NOP9: variants seen among roughly 807,000 people sequenced by gnomAD.
NOP9 encodes the protein nucleolar protein 9.
Under a neutral mutation model 63.0 loss-of-function variants are expected in NOP9, and 50 were observed. That is an observed-to-expected ratio of 0.79 (90% CI 0.63 to 1.00). The LOEUF is 1.00. NOP9 is among the 50% of genes least tolerant of loss of function. NOP9 has a pLI of 0.00. For missense variants in NOP9, 758 were observed against 803.0 expected (o/e 0.94, Z 0.68); for synonymous variants, 343 against 332.8 (o/e 1.03, Z -0.33).
chr14:24,306,276 C>G lies in NOP9; in HGVS notation c.*1181C>G. 1.3e-6 allele frequency: 2 copies of G among 1,556,126 alleles called. No individual in the cohort carries two copies. Among genetic ancestry groups the G allele is most frequent in the East Asian group, 4.5e-5 (2 of 44,446 alleles). ...ATCCTTGACAATTCCACAACTCCTC[C>G]TGCACCTGGTCCCCAGGATCAGGGT... On this transcript the variant is annotated 3_prime_UTR_variant, in exon 10 of 10. Transcript: ENST00000267425.
the NOP9 span, among the ~76,000 whole-genome samples, chr14:24,278,558 T>A: frequency 6.6e-6 from 1 of 152,200 alleles, no homozygotes; most frequent in Admixed American, 6.5e-5. Flanking sequence ...CATGTGGTAT[T>A]GAATAGGGAC....
Position 24,305,226 on chromosome 14 carries a change from TGTTA to T in NOP9, c.*135_*138del. ...TTGATATTTTTATTGGAAATGTTTT[TGTTA>T]GTTTGAGGGGAAGGGTATGAAGACA... On this transcript the variant is annotated 3_prime_UTR_variant, in exon 10 of 10. Transcript: ENST00000267425. 2 of 1,069,548 alleles carry T rather than the reference TGTTA, an allele frequency of 1.9e-6. No homozygotes were observed. The highest frequency in any genetic ancestry group is 2.5e-6 in the Non-Finnish European group (2 of 794,764). The allele number at this position is 1,069,548 out of a possible 1,614,324, so 66.3% of individuals were successfully genotyped here.
chr14:24,300,432 A>G lies in NOP9; in HGVS notation c.272A>G (p.Lys91Arg), dbSNP rs1330026641. ...ERDLMVHNIM[K>R]EVETQALALS... is the part of the protein sequence containing the mutation. ...GATCTGATGGTGCACAATATAATGA[A>G]GGAAGTAGAGACTCAGGCCCTAGCT... The change falls in exon 2 of 10, where the codon AAG (lysine) becomes AGG (arginine). Residue 91 changes from lysine (K) to arginine (R), a missense_variant. Transcript: ENST00000267425. The G allele has an allele frequency of 1.2e-6, 2 of 1,613,568 alleles. No individual in the cohort carries two copies. The highest frequency in any genetic ancestry group is 1.7e-6 in the Non-Finnish European group (2 of 1,179,752).
At chr14:24,290,593 A>T in the NOP9 span, 1 of 418,640 alleles carries the variant, frequency 2.4e-6, no homozygotes, top group Non-Finnish European at 4.4e-6. Flanking sequence ...GCAGTCAAAA[A>T]CACATTGAAA....
At chr14:24,296,895 G>A, upstream of NOP9, 1 of 1,612,400 alleles carries the variant, frequency 6.2e-7, no homozygotes, top group South Asian at 1.1e-5. Context: ...GAGTAGGACA[G>A]GGGATATGAG....
chr14:24,284,286 C>A, the NOP9 span, among the ~76,000 whole-genome samples: 1 of 152,170 alleles, frequency 6.6e-6, no homozygotes, highest in African/African-American at 2.4e-5. Context: ...TTTCATGATG[C>A]CAACTGGAAG....
At position 24,300,037 on chromosome 14, in the gene NOP9, C is replaced by G. The variant is rs1266505131; in HGVS notation, c.83C>G (p.Ser28Trp). 3.1e-6 allele frequency: 5 copies of G among 1,608,142 alleles called. No individual in the cohort carries two copies. Among genetic ancestry groups the G allele is most frequent in the Non-Finnish European group, 3.4e-6 (4 of 1,177,580 alleles). ...AAACGGGGGCGCGGGGCCAAGGGGTCGGGGCGCCCCTTACCAGGCCGTAAG... is the reference window on the plus strand; with the variant it reads ...AAACGGGGGCGCGGGGCCAAGGGGTGGGGGCGCCCCTTACCAGGCCGTAAG... ...GGKRGRGAKG[S>W]GRPLPGRKRQ... Residue 28 changes from serine (S) to tryptophan (W), a missense_variant, in exon 1 of 10, where the codon TCG (serine) becomes TGG (tryptophan). By Grantham distance (177) the Ser-to-Trp change is radical. Coordinates refer to ENST00000267425, the MANE Select transcript of NOP9 (RefSeq NM_174913.3).
chr14:24,306,636 T>G lies in NOP9; in HGVS notation c.*1541T>G, dbSNP rs2041518672. The G allele has an allele frequency of 4.4e-6, 6 of 1,375,922 alleles. No homozygotes were observed. The highest frequency in any genetic ancestry group is 6.1e-6 in the Non-Finnish European group (6 of 986,238). 85.2% of individuals were successfully genotyped at this position (1,375,922 alleles called of 1,614,324 possible). A position where few individuals can be genotyped will look rare whatever the true frequency, so the allele number is the denominator to read the frequency against. On this transcript the variant is annotated 3_prime_UTR_variant, in exon 10 of 10. Coordinates refer to ENST00000267425, the MANE Select transcript of NOP9 (RefSeq NM_174913.3). ...ACATTGGTCGATGTCCCACTTTGAC[T>G]TTCCGGCACTTTGATACCTCCTAAA...
At chr14:24,280,244 T>C in the NOP9 span, among the ~76,000 whole-genome samples, 1 of 152,220 alleles carries the variant, frequency 6.6e-6, no homozygotes, top group East Asian at 1.9e-4. Context: ...CTCTGTCAAC[T>C]GCTCTGCCTT....
At chr14:24,303,981 GGA>G in intron 7 of NOP9, 58 bp from the exon 8 acceptor site, 2 of 1,580,196 alleles carry the variant, frequency 1.3e-6, no homozygotes, top group Non-Finnish European at 1.7e-6. Context: ...AGTGTTCTGG[GGA>G]TGGGCTCATC....
At position 24,308,679 on chromosome 14, in the gene NOP9, TCC is replaced by T. The variant is rs1276484748; in HGVS notation, c.*3586_*3587del. The T allele has an allele frequency of 6.6e-6, 1 of 152,288 alleles. No individual in the cohort carries two copies. The highest frequency in any genetic ancestry group is 6.5e-5 in the Admixed American group (1 of 15,286). 9.4% of individuals were successfully genotyped at this position (152,288 alleles called of 1,614,324 possible). A position where few individuals can be genotyped will look rare whatever the true frequency, so the allele number is the denominator to read the frequency against. On this transcript the variant is annotated 3_prime_UTR_variant, in exon 10 of 10. Coordinates refer to ENST00000267425, the MANE Select transcript of NOP9 (RefSeq NM_174913.3). Reference sequence around the variant, plus strand: ...AGACTTTAGCTTCTGGTGCGCTGTGTCCCAGCTCTGATTTCAGTTGCAGCCGT... The same window carrying T: ...AGACTTTAGCTTCTGGTGCGCTGTGTCAGCTCTGATTTCAGTTGCAGCCGT...
upstream of NOP9, chr14:24,299,729 G>A (rs140687294): frequency 1.2e-3 from 638 of 517,274 alleles, no homozygotes; most frequent in East Asian, 0.016. Context: ...TGAGGTAGAG[G>A]GGCAGAGTCC....
chr14:24,296,795 A>ATCCACTTGCG, upstream of NOP9: 1 of 1,614,198 alleles, frequency 6.2e-7, no homozygotes, highest in Non-Finnish European at 8.5e-7. Context: ...GCTGTTCCCG[A>ATCCACTTGCG]TCCACTTGCT....
In NOP9 at chr14:24,301,962, C is replaced by T; in HGVS notation, c.809-3C>T. On this transcript the variant is annotated splice_region_variant and splice_polypyrimidine_tract_variant and intron_variant, in intron 3 of 9. Transcript: ENST00000267425. ...CCGCTTTATTTCTGCCCTCTCTCCA[C>T]AGTGTTTATCACTGATAAGATCTCC... The T allele has an allele frequency of 6.2e-7, 1 of 1,608,278 alleles. No homozygotes were observed.
chr14:24,279,890 G>A, the NOP9 span, among the ~76,000 whole-genome samples: 3 of 152,218 alleles, frequency 2.0e-5, no homozygotes, highest in Non-Finnish European at 4.4e-5. Context: ...GTGAGAAGCA[G>A]AAGCTGTGGA....
chr14:24,291,163 G>A, the NOP9 span: 19 of 1,614,134 alleles, frequency 1.2e-5, no homozygotes, highest in African/African-American at 4.0e-5. Flanking sequence ...AGGCCATAGC[G>A]TCGAGCAAGG....
At position 24,307,293 on chromosome 14, in the gene NOP9, C is replaced by T. The variant is rs2139149708; in HGVS notation, c.*2198C>T. On this transcript the variant is annotated 3_prime_UTR_variant, in exon 10 of 10. Coordinates refer to ENST00000267425, the MANE Select transcript of NOP9 (RefSeq NM_174913.3). The stretch of plus-strand genomic sequence containing the variant: ...AGCTGTGTGACTTCAGCCCTCTGCT[C>T]CATCATCACAAGTTGCCACTGTTGT... 2 of 1,484,956 alleles carry T rather than the reference C, an allele frequency of 1.3e-6. No individual in the cohort carries two copies. Among genetic ancestry groups the T allele is most frequent in the South Asian group, 2.5e-5 (2 of 79,022 alleles). 92.0% of individuals were successfully genotyped at this position (1,484,956 alleles called of 1,614,324 possible).
At chr14:24,280,658 C>A in the NOP9 span, among the ~76,000 whole-genome samples, 2 of 152,202 alleles carry the variant, frequency 1.3e-5, no homozygotes, top group African/African-American at 4.8e-5. Context: ...CAGACAAGGT[C>A]CCTGCTGTCA....
the NOP9 span, chr14:24,294,635 G>A: frequency 1.3e-5 from 2 of 149,886 alleles, no homozygotes; most frequent in Admixed American, 1.3e-4. Context: ...CAGACGAGTG[G>A]GGGGAGTATG....
Sources: allele counts gnomAD v4.1 joint callset (sites outside exome capture counted in the v4.1 genomes callset), GRCh38; gene constraint gnomAD v4.1.1; transcripts MANE v1.5; gene names NCBI Gene and HGNC (gene_info 2026-07-23, HGNC 2026-07-21).